IGFBPL1: variants seen among roughly 807,000 people sequenced by gnomAD.
The protein encoded by IGFBPL1 is insulin like growth factor binding protein like 1.
IGFBPL1 carries 20 observed loss-of-function variants against 23.9 expected under a neutral mutation model. The ratio of observed to expected loss-of-function variants is 0.84; its 90% confidence interval spans 0.59 to 1.22. The LOEUF is 1.22. IGFBPL1 is among the 50% of genes most tolerant of loss of function. The probability of loss-of-function intolerance (pLI) is 0.00; values close to 1 mark genes in which losing one functional copy is unlikely to be tolerated. For missense variants in IGFBPL1, 436 were observed against 379.3 expected (o/e 1.15, Z -1.24); for synonymous variants, 184 against 171.8 (o/e 1.07, Z -0.56).
intron 1 of IGFBPL1, among the ~76,000 whole-genome samples, chr9:38,423,084 A>G (rs1032756722): frequency 6.6e-6 from 1 of 152,174 alleles, no homozygotes; most frequent in Non-Finnish European, 1.5e-5. Context: ...ACACAGCGGC[A>G]CTTCAAAACC....
At position 38,416,463 on chromosome 9, in the gene IGFBPL1, G is replaced by A. The variant is rs116973357; in HGVS notation, c.461-2260C>T. On this transcript the variant is annotated intron_variant, in intron 1 of 4. Transcript: ENST00000377694. ...AAGAAGCCCTGCTTTTTAAAGGGAC[G>A]TCAAAGCACATTAAAGGGACATTTA... Among the ~76,000 whole-genome samples the A allele has an allele frequency of 1.1e-4, 17 of 152,200 alleles. No individual in the cohort carries two copies. In the East Asian group the frequency reaches 2.9e-3, roughly 26 times the overall value.
rs1362438621 is a variant in IGFBPL1 at position 38,424,194 on chromosome 9, G to A, written c.231C>T (p.Cys77=). 2.6e-6 allele frequency: 3 copies of A among 1,165,488 alleles called. No individual in the cohort carries two copies. The highest frequency in any genetic ancestry group is 3.2e-6 in the Non-Finnish European group (3 of 946,672). 72.2% of individuals were successfully genotyped at this position (1,165,488 alleles called of 1,614,324 possible). ...ARCLGAEGAS[C]GGRAGGRCGP... is the part of the protein sequence containing the mutation. ...CACAGCGCCCGCCGGCGCGGCCCCCGCAGCTCGCGCCCTCGGCTCCCAGGC... is the reference window on the plus strand; with the variant it reads ...CACAGCGCCCGCCGGCGCGGCCCCCACAGCTCGCGCCCTCGGCTCCCAGGC... Residue 77 remains cysteine, a synonymous_variant, in exon 1 of 5, where the codon TGC becomes TGT. Coordinates refer to ENST00000377694, the MANE Select transcript of IGFBPL1 (RefSeq NM_001007563.3).
rs1235613632 is a variant in IGFBPL1 at position 38,407,319 on chromosome 9, G to A, written c.*1908C>T. On this transcript the variant is annotated 3_prime_UTR_variant, in exon 5 of 5. Coordinates refer to ENST00000377694, the MANE Select transcript of IGFBPL1 (RefSeq NM_001007563.3). ...TTTTATTCCCTTTTTACTCAAATAA[G>A]GACACTGAGGCACAGAAAGTGAAGG... Among the ~76,000 whole-genome samples, 3 of 152,174 alleles carry A rather than the reference G, an allele frequency of 2.0e-5. No homozygotes were observed. The highest frequency in any genetic ancestry group is 4.4e-5 in the Non-Finnish European group (3 of 68,030).
chr9:38,411,347 C>T (rs1236940100), intron 4 of IGFBPL1, 44 bp downstream of exon 4: 3 of 1,532,312 alleles, frequency 2.0e-6, no homozygotes, highest in South Asian at 1.2e-5. Flanking sequence ...TCAAATATCT[C>T]ATAACATGGG....
chr9:38,413,149 C>G, intron 3 of IGFBPL1, 88 bp downstream of exon 3: 1 of 927,784 alleles, frequency 1.1e-6, no homozygotes, highest in Non-Finnish European at 1.7e-6. Flanking sequence ...TGGGTAAGAA[C>G]AGCTTTGAAA....
chr9:38,412,555 C>A (rs1430951035), intron 3 of IGFBPL1, among the ~76,000 whole-genome samples: 1 of 152,194 alleles, frequency 6.6e-6, no homozygotes, highest in Admixed American at 6.5e-5. Flanking sequence ...CAGCGGGTGA[C>A]CTTAGGCAGG....
chr9:38,423,200 A>C (rs919391805), intron 1 of IGFBPL1, among the ~76,000 whole-genome samples: 2 of 152,186 alleles, frequency 1.3e-5, no homozygotes, highest in Non-Finnish European at 2.9e-5. Flanking sequence ...GTGGGCAACT[A>C]TAGCACTCAG....
intron 1 of IGFBPL1, among the ~76,000 whole-genome samples, chr9:38,423,259 G>C (rs1233454629): frequency 2.0e-5 from 3 of 152,152 alleles, no homozygotes; most frequent in Non-Finnish European, 1.5e-5. Context: ...TAAGTCCCTA[G>C]CATTTCATAA....
rs144575947 is a variant in IGFBPL1 at position 38,411,438 on chromosome 9, T to C, written c.799A>G (p.Arg267Gly). Residue 267 changes from arginine to glycine, a missense_variant, in exon 4 of 5, where the codon AGG (arginine) becomes GGG (glycine). Coordinates refer to ENST00000377694, the MANE Select transcript of IGFBPL1 (RefSeq NM_001007563.3). ...TVTVLDLSKY[R>G]SFHFPAPDDR... Reference sequence around the variant, plus strand: ...TCGGGAGCTGGGAAGTGGAAGCTCCTGTATTTACTCAGATCTAGAACCGTC... The same window carrying C: ...TCGGGAGCTGGGAAGTGGAAGCTCCCGTATTTACTCAGATCTAGAACCGTC... 1.2e-6 allele frequency: 2 copies of C among 1,613,906 alleles called. No individual in the cohort carries two copies. Among genetic ancestry groups the C allele is most frequent in the Admixed American group, 1.7e-5 (1 of 59,974 alleles).
chr9:38,423,463 G>C (rs181905456), intron 1 of IGFBPL1, among the ~76,000 whole-genome samples: 1 of 151,962 alleles, frequency 6.6e-6, no homozygotes, highest in Admixed American at 6.6e-5. Context: ...TTCCCACACC[G>C]GGGGCCCTGG....
chr9:38,423,909 C>G, intron 1 of IGFBPL1, 56 bp downstream of exon 1: 1 of 1,312,476 alleles, frequency 7.6e-7, no homozygotes, highest in Non-Finnish European at 9.7e-7. Flanking sequence ...CGCTCCACAC[C>G]CCAGAGGGTT....
At chr9:38,422,432 A>G (rs1325346748) in intron 1 of IGFBPL1, among the ~76,000 whole-genome samples, 1 of 152,218 alleles carries the variant, frequency 6.6e-6, no homozygotes, top group Non-Finnish European at 1.5e-5. Context: ...CTGTCTGGAG[A>G]CAAAGAGAAT....
intron 3 of IGFBPL1, among the ~76,000 whole-genome samples, chr9:38,412,262 G>C (rs1821524411): frequency 6.6e-6 from 1 of 152,184 alleles, no homozygotes; most frequent in African/African-American, 2.4e-5. Flanking sequence ...CCAGTCGTGG[G>C]GGAAGGGTGA....
chr9:38,414,554 C>T (rs1396208123), intron 1 of IGFBPL1, among the ~76,000 whole-genome samples: 3 of 152,178 alleles, frequency 2.0e-5, no homozygotes, highest in Admixed American at 6.5e-5. Context: ...CCAGGAAAAA[C>T]GGCAGCCGAC....
intron 1 of IGFBPL1, among the ~76,000 whole-genome samples, chr9:38,419,382 G>C (rs1470593056): frequency 6.6e-6 from 1 of 152,168 alleles, no homozygotes; most frequent in African/African-American, 2.4e-5. Flanking sequence ...CAGCATGAAA[G>C]GGTTTTGAGC....
chr9:38,413,288 A>C lies in IGFBPL1; in HGVS notation c.636T>G (p.Ala212=). 6.2e-7 allele frequency: 1 copy of C among 1,614,162 alleles called. No individual in the cohort carries two copies. Among genetic ancestry groups the C allele is most frequent in the South Asian group, 1.1e-5 (1 of 91,056 alleles). The change falls in exon 3 of 5, where the codon GCT becomes GCG. Residue 212 remains alanine, a synonymous_variant. Transcript: ENST00000377694. The part of the protein sequence containing the change: ...EELPGDHVNI[A]VQVRGGPSDH... The stretch of plus-strand genomic sequence containing the variant: ...CAGAAGGGCCCCCTCGCACTTGGAC[A>C]GCTATATTGACATGGTCCCCAGGCA...
chr9:38,421,509 A>G (rs1004282177), intron 1 of IGFBPL1, among the ~76,000 whole-genome samples: 1 of 152,060 alleles, frequency 6.6e-6, no homozygotes, highest in Non-Finnish European at 1.5e-5. Flanking sequence ...TGTGAACAAC[A>G]TAATAAATAC....
At chr9:38,421,285 A>C (rs1587417443) in intron 1 of IGFBPL1, among the ~76,000 whole-genome samples, 1 of 24,258 alleles carries the variant, frequency 4.1e-5, no homozygotes, top group East Asian at 2.0e-3. Flanking sequence ...ACCCTGTCTC[A>C]AAAAAAAAAA....
rs960953554 is a variant in IGFBPL1 at position 38,416,690 on chromosome 9, T to C, written c.461-2487A>G. On this transcript the variant is annotated intron_variant, in intron 1 of 4. Coordinates refer to ENST00000377694, the MANE Select transcript of IGFBPL1 (RefSeq NM_001007563.3). ...ATCCGGTTCTAATTTTTTTTTTTTT[T>C]TTTGAGGCAGAGTCTCATGTTATCC... 1.8e-4 allele frequency among the ~76,000 whole-genome samples: 28 copies of C among 151,860 alleles called. No homozygotes were observed. In the East Asian group the frequency reaches 5.2e-3, roughly 28 times the overall value.
Sources: gnomAD v4.1 joint callset for allele counts (sites outside exome capture counted in the v4.1 genomes callset) on GRCh38, gnomAD v4.1.1 for gene constraint, MANE v1.5 for transcripts, NCBI Gene and HGNC (gene_info 2026-07-23, HGNC 2026-07-21) for gene names.